The following NRXN1 variants were observed in gnomAD, a reference collection of about 807,000 sequenced individuals.
The protein encoded by NRXN1 is neurexin 1.
A neutral mutation model predicts 150.9 loss-of-function variants in NRXN1; 39 were observed. The ratio of observed to expected loss-of-function variants is 0.26; its 90% CI spans 0.20 to 0.34. The LOEUF is 0.34. NRXN1 is among the 10% of genes least tolerant of loss of function. The pLI is 1.00. For missense variants in NRXN1, 1,815 were observed against 1,949.9 expected (o/e 0.93, Z 1.30); for synonymous variants, 924 against 757.0 (o/e 1.22, Z -3.62).
intron 18 of NRXN1, among the ~76,000 whole-genome samples, chr2:50,118,471 CAAA>C (rs1454329829): frequency 3.3e-5 from 5 of 150,498 alleles, no homozygotes; most frequent in African/African-American, 1.2e-4. Context: ...TTTCTTTAGA[CAAA>C]ATTGGAATAG....
Position 51,027,926 on chromosome 2 carries a change from G to A in NRXN1, c.348C>T (p.Ser116=), listed in dbSNP as rs764148223. The change falls in exon 2 of 23, where the codon AGC becomes AGT. Residue 116 remains serine (S), a synonymous_variant. Coordinates refer to ENST00000401669, the MANE Select transcript of NRXN1 (RefSeq NM_001330078.2). ...DTPVNDGAWH[S]VRIRRQFRNT... ...TGCGGAACTGGCGGCGGATGCGCAC[G>A]CTGTGCCAGGCGCCGTCGTTAACCG... 3.7e-6 allele frequency: 6 copies of A among 1,605,804 alleles called. No homozygotes were observed. Among genetic ancestry groups the A allele is most frequent in the East Asian group, 4.5e-5 (2 of 44,832 alleles).
At chr2:50,884,880 G>C (rs1177256396) in intron 5 of NRXN1, among the ~76,000 whole-genome samples, 4 of 151,406 alleles carry the variant, frequency 2.6e-5, no homozygotes, top group African/African-American at 7.3e-5. Flanking sequence ...AGCAATTGAA[G>C]GGGGAGGGAG....
intron 17 of NRXN1, among the ~76,000 whole-genome samples, chr2:50,385,501 C>T (rs1008949186): frequency 8.5e-5 from 13 of 152,116 alleles, no homozygotes; most frequent in African/African-American, 2.2e-4. Context: ...TCATGCTACC[C>T]GGGAATGTTG....
intron 18 of NRXN1, among the ~76,000 whole-genome samples, chr2:50,231,236 AC>A (rs66965138): frequency 1.3e-5 from 2 of 151,948 alleles, no homozygotes; most frequent in Admixed American, 1.3e-4. Context: ...TTCAAGGAAA[AC>A]CCTGAGGGGA....
intron 8 of NRXN1, among the ~76,000 whole-genome samples, chr2:50,601,540 G>T (rs1053826246): frequency 1.3e-5 from 2 of 152,316 alleles, no homozygotes; most frequent in East Asian, 1.9e-4. Flanking sequence ...AAGAAAGTCA[G>T]TTGTTCAAAG....
chr2:50,060,004 G>T (rs1264108413), intron 19 of NRXN1, among the ~76,000 whole-genome samples: 1 of 152,126 alleles, frequency 6.6e-6, no homozygotes, highest in Non-Finnish European at 1.5e-5. Flanking sequence ...GTCTCCACTG[G>T]GGCACTACCT....
intron 18 of NRXN1, among the ~76,000 whole-genome samples, chr2:50,107,540 T>TATATATA (rs1553617159): frequency 1.9e-4 from 21 of 110,460 alleles, no homozygotes; most frequent in African/African-American, 6.7e-4. Flanking sequence ...TATATATATA[T>TATATATA]TTTTTTTTTT....
intron 15 of NRXN1, among the ~76,000 whole-genome samples, chr2:50,490,683 C>T (rs1311116730): frequency 6.6e-6 from 1 of 152,162 alleles, no homozygotes; most frequent in African/African-American, 2.4e-5. Context: ...CACAGCAGTG[C>T]CAGCAGACAG....
At chr2:50,508,247 G>T (rs10211193) in intron 12 of NRXN1, among the ~76,000 whole-genome samples, 131,618 of 152,128 alleles carry the variant, frequency 0.87, 57,371 homozygotes, top group African/African-American at 0.97. Flanking sequence ...ATTTATATCT[G>T]TTTGTATCTT....
chr2:50,552,779 T>C lies in NRXN1; in HGVS notation c.1567A>G (p.Lys523Glu), dbSNP rs1196445724. Residue 523 changes from lysine (K) to glutamate (E), a missense_variant, in exon 9 of 23, where the codon AAG (lysine) becomes GAG (glutamate). Physicochemically the swap from Lys to Glu is moderately conservative, Grantham distance 56. Transcript: ENST00000401669. ...PNGLILFSHG[K>E]PRHQKDAKHP... is the part of the protein sequence containing the mutation. ...TTGGCATCTTTCTGATGTCTTGGCT[T>C]GCCATGGCTAAATAAGATGAGGCCA... is the stretch of plus-strand genomic sequence containing the variant. The C allele has an allele frequency of 6.2e-7, 1 of 1,613,864 alleles. No homozygotes were observed. The highest frequency in any genetic ancestry group is 8.5e-7 in the Non-Finnish European group (1 of 1,179,878).
intron 5 of NRXN1, among the ~76,000 whole-genome samples, chr2:50,742,741 G>A (rs1699580114): frequency 6.6e-6 from 1 of 152,106 alleles, no homozygotes. Context: ...CCCTTGAGAG[G>A]ATTGAGTCCT....
At chr2:50,782,402 G>C (rs1399608519) in intron 5 of NRXN1, among the ~76,000 whole-genome samples, 1 of 152,080 alleles carries the variant, frequency 6.6e-6, no homozygotes, top group East Asian at 1.9e-4. Flanking sequence ...CCTGGGAAAA[G>C]GGGTTGCAGT....
At chr2:50,205,507 A>G (rs1032252080) in intron 18 of NRXN1, among the ~76,000 whole-genome samples, 2 of 152,080 alleles carry the variant, frequency 1.3e-5, no homozygotes, top group Non-Finnish European at 2.9e-5. Context: ...AATTCTTTCA[A>G]GAATGCCAAG....
intron 5 of NRXN1, among the ~76,000 whole-genome samples, chr2:50,847,688 G>C (rs1673869948): frequency 6.6e-6 from 1 of 152,206 alleles, no homozygotes; most frequent in African/African-American, 2.4e-5. Context: ...GACGACACAA[G>C]CTGCTGGACG....
intron 19 of NRXN1, among the ~76,000 whole-genome samples, chr2:50,087,668 A>C (rs1298502061): frequency 6.6e-6 from 1 of 152,136 alleles, no homozygotes; most frequent in Admixed American, 6.5e-5. Flanking sequence ...TTTGCTCTCT[A>C]TATAGAAAAT....
chr2:50,031,292 G>C (rs1174365613), intron 21 of NRXN1, among the ~76,000 whole-genome samples: 1 of 151,918 alleles, frequency 6.6e-6, no homozygotes, highest in Non-Finnish European at 1.5e-5. Context: ...TAATCTTGGT[G>C]TGTTTTTTTA....
chr2:50,783,792 A>T (rs1704685108), intron 5 of NRXN1, among the ~76,000 whole-genome samples: 1 of 152,148 alleles, frequency 6.6e-6, no homozygotes, highest in Admixed American at 6.6e-5. Flanking sequence ...CTGGTCCCCC[A>T]AAGGCATATC....
At chr2:50,378,953 A>G (rs947120056) in intron 17 of NRXN1, among the ~76,000 whole-genome samples, 1 of 152,076 alleles carries the variant, frequency 6.6e-6, no homozygotes, top group Non-Finnish European at 1.5e-5. Flanking sequence ...GTTTAATGTA[A>G]ACATTCTTAG....
chr2:50,736,874 G>C (rs1698823768), intron 5 of NRXN1, among the ~76,000 whole-genome samples: 2 of 152,146 alleles, frequency 1.3e-5, no homozygotes, highest in Admixed American at 1.3e-4. Flanking sequence ...AGACCCTCAA[G>C]TCTAATGCCC....
Sources: gnomAD v4.1 joint callset for allele counts (sites outside exome capture counted in the v4.1 genomes callset) on GRCh38, gnomAD v4.1.1 for gene constraint, MANE v1.5 for transcripts, NCBI Gene and HGNC (gene_info 2026-07-23, HGNC 2026-07-21) for gene names.